The following SEMA6D variants were observed in gnomAD, a reference collection of about 807,000 sequenced individuals.
SEMA6D encodes the protein semaphorin 6D.
Under a neutral mutation model 106.6 loss-of-function variants are expected in SEMA6D, and 35 were observed. The ratio of observed to expected loss-of-function variants is 0.33; its 90% CI spans 0.25 to 0.44. SEMA6D has a LOEUF of 0.44. Among genes scored for constraint, SEMA6D ranks in the 20% least tolerant of loss-of-function variants. The pLI is 1.00. For missense variants in SEMA6D, 1,185 were observed against 1,345.9 expected, an observed-to-expected ratio of 0.88 and a Z score of 1.87; for synonymous variants, 499 against 487.7, an observed-to-expected ratio of 1.02 and a Z score of -0.31.
At chr15:47,289,105 A>T (rs2035491573) in intron 1 of SEMA6D, among the ~76,000 whole-genome samples, 1 of 152,150 alleles carries the variant, frequency 6.6e-6, no homozygotes, top group Admixed American at 6.5e-5. Context: ...GATTATTGCA[A>T]AATGAACATT....
At chr15:47,353,963 A>G (rs1322834442) in intron 1 of SEMA6D, among the ~76,000 whole-genome samples, 1 of 152,076 alleles carries the variant, frequency 6.6e-6, no homozygotes, top group Admixed American at 6.6e-5. Context: ...TTTGAAAGAT[A>G]TGTTTCCTAA....
At chr15:47,246,806 A>G (rs1449047520) in intron 1 of SEMA6D, among the ~76,000 whole-genome samples, 5 of 152,198 alleles carry the variant, frequency 3.3e-5, no homozygotes, top group Admixed American at 6.5e-5. Context: ...GAATCAGGGC[A>G]TGGACATCTT....
chr15:47,224,626 T>C (rs1010581014), intron 1 of SEMA6D, among the ~76,000 whole-genome samples: 1 of 152,072 alleles, frequency 6.6e-6, no homozygotes, highest in African/African-American at 2.4e-5. Flanking sequence ...CCTCATTTCA[T>C]TCCAAGTCAC....
At chr15:47,732,913 A>G (rs1201588450) in intron 1 of SEMA6D, among the ~76,000 whole-genome samples, 1 of 152,210 alleles carries the variant, frequency 6.6e-6, no homozygotes, top group African/African-American at 2.4e-5. Context: ...TAAATGAGAA[A>G]TAAGATACCC....
chr15:47,538,707 A>C (rs2045255333), intron 3 of SEMA6D, among the ~76,000 whole-genome samples: 1 of 152,220 alleles, frequency 6.6e-6, no homozygotes, highest in Admixed American at 6.6e-5. Context: ...ATGTTCTAAA[A>C]AAATAAGTCT....
chr15:47,626,218 A>C (rs910205337), intron 4 of SEMA6D, among the ~76,000 whole-genome samples: 1 of 152,172 alleles, frequency 6.6e-6, no homozygotes, highest in Admixed American at 6.5e-5. Context: ...TGGGCTCTAC[A>C]TGAAATCAGG....
intron 3 of SEMA6D, among the ~76,000 whole-genome samples, chr15:47,484,132 G>A (rs951508401): frequency 6.6e-6 from 1 of 152,136 alleles, no homozygotes; most frequent in Non-Finnish European, 1.5e-5. Context: ...CCTTCTCTCT[G>A]TTCCTTTTGG....
chr15:47,409,126 C>A (rs758220098), intron 1 of SEMA6D, among the ~76,000 whole-genome samples: 1 of 152,172 alleles, frequency 6.6e-6, no homozygotes, highest in Non-Finnish European at 1.5e-5. Context: ...CTGAAGACAC[C>A]TCAGAGCACT....
At chr15:47,649,933 A>G (rs557699825) in intron 4 of SEMA6D, among the ~76,000 whole-genome samples, 4 of 152,322 alleles carry the variant, frequency 2.6e-5, no homozygotes, top group Non-Finnish European at 5.9e-5. Context: ...GGTTACACTG[A>G]AAGTATTTCT....
intron 1 of SEMA6D, among the ~76,000 whole-genome samples, chr15:47,187,174 T>C (rs1173856994): frequency 6.6e-6 from 1 of 152,200 alleles, no homozygotes; most frequent in African/African-American, 2.4e-5. Context: ...ATGTTATTAT[T>C]TTCTGTATTT....
At chr15:47,502,847 G>A (rs2043899528) in intron 3 of SEMA6D, among the ~76,000 whole-genome samples, 1 of 152,184 alleles carries the variant, frequency 6.6e-6, no homozygotes, top group Non-Finnish European at 1.5e-5. Flanking sequence ...CATCAAACAT[G>A]TTCTCACTGT....
At chr15:47,297,315 T>A (rs549930432) in intron 1 of SEMA6D, among the ~76,000 whole-genome samples, 1 of 152,330 alleles carries the variant, frequency 6.6e-6, no homozygotes, top group Non-Finnish European at 1.5e-5. Context: ...TCAGTTTAGT[T>A]TCTTGCACAG....
At chr15:47,334,171 C>T (rs1050927126) in intron 1 of SEMA6D, among the ~76,000 whole-genome samples, 4 of 152,172 alleles carry the variant, frequency 2.6e-5, no homozygotes, top group Non-Finnish European at 4.4e-5. Flanking sequence ...GTGGAGGTTC[C>T]TGGAGGGTGG....
chr15:47,432,260 A>G (rs1450940501), intron 2 of SEMA6D, among the ~76,000 whole-genome samples: 1 of 152,124 alleles, frequency 6.6e-6, no homozygotes, highest in Non-Finnish European at 1.5e-5. Flanking sequence ...TCTTTGTAAC[A>G]TAGAGATAAG....
At chr15:47,210,764 CA>C (rs34743184) in intron 1 of SEMA6D, among the ~76,000 whole-genome samples, 119 of 62,750 alleles carry the variant, frequency 1.9e-3, no homozygotes, top group African/African-American at 4.5e-3. Context: ...GACTCCGTCT[CA>C]AAAAAAAAAA....
At chr15:47,716,506 G>C (rs551968283), upstream of SEMA6D, among the ~76,000 whole-genome samples, 1 of 152,070 alleles carries the variant, frequency 6.6e-6, no homozygotes, top group Admixed American at 6.5e-5. Flanking sequence ...TAAGTTTGGC[G>C]GAAAAAGCTC....
At chr15:47,430,891 G>T (rs2041501249) in intron 2 of SEMA6D, among the ~76,000 whole-genome samples, 1 of 152,114 alleles carries the variant, frequency 6.6e-6, no homozygotes, top group Non-Finnish European at 1.5e-5. Context: ...CTTCTCATCT[G>T]GGAAGCCCAG....
chr15:47,636,657 G>A (rs1020722931), intron 4 of SEMA6D, among the ~76,000 whole-genome samples: 1 of 152,070 alleles, frequency 6.6e-6, no homozygotes, highest in African/African-American at 2.4e-5. Context: ...CACAGCGAAG[G>A]CAAGATATTC....
chr15:47,498,608 A>G (rs1457058641), intron 3 of SEMA6D, among the ~76,000 whole-genome samples: 1 of 152,174 alleles, frequency 6.6e-6, no homozygotes, highest in African/African-American at 2.4e-5. Flanking sequence ...CTCTGTTTTC[A>G]TAAATTATGC....
Sources: allele counts gnomAD v4.1 joint callset (sites outside exome capture counted in the v4.1 genomes callset), GRCh38; gene constraint gnomAD v4.1.1; transcripts MANE v1.5; gene names NCBI Gene and HGNC (gene_info 2026-07-23, HGNC 2026-07-21).